The following ZNF573 variants were observed in gnomAD, a reference collection of about 807,000 sequenced individuals.
ZNF573 encodes the protein zinc finger protein 573.
In ZNF573, 41 loss-of-function variants were observed where a neutral mutation model predicts 57.4. The ratio of observed to expected loss-of-function variants is 0.71; its 90% CI spans 0.56 to 0.93. ZNF573 has a LOEUF of 0.93. ZNF573 is among the 40% of genes least tolerant of loss of function. The pLI is 0.00. For synonymous variants in ZNF573, 249 were observed against 261.0 expected (o/e 0.95, Z 0.44); for missense variants, 730 against 794.8 (o/e 0.92, Z 0.98).
At chr19:37,755,141 TG>T in intron 4 of ZNF573, 1 of 152,364 alleles carries the variant, frequency 6.6e-6, no homozygotes, top group South Asian at 2.1e-4. Context: ...GGATAATTTT[TG>T]TATTTTTAGT....
Position 37,777,213 on chromosome 19 carries a change from C to A in ZNF573, c.-23+2331G>T, listed in dbSNP as rs2045717274. 2.0e-5 allele frequency among the ~76,000 whole-genome samples: 3 copies of A among 151,976 alleles called. No homozygotes were observed. The South Asian group carries it at 6.2e-4, about 32-fold the overall frequency. ...TCAGTGATAGAGACAGGAGTCTCAC[C>A]ATGTTGGCCAGGCTGGTCTCGAACT... On this transcript the variant is annotated intron_variant, in intron 1 of 4. Coordinates refer to ENST00000536220, the MANE Select transcript of ZNF573 (RefSeq NM_001172690.2).
At chr19:37,749,742 T>C (rs764405636) in intron 4 of ZNF573, among the ~76,000 whole-genome samples, 1 of 152,150 alleles carries the variant, frequency 6.6e-6, no homozygotes, top group Non-Finnish European at 1.5e-5. Flanking sequence ...AAAAAGTAAA[T>C]GCTACAATAT....
intron 4 of ZNF573, among the ~76,000 whole-genome samples, chr19:37,761,455 C>T (rs1175521456): frequency 6.6e-6 from 1 of 152,148 alleles, no homozygotes; most frequent in African/African-American, 2.4e-5. Context: ...AAGCCCTCTT[C>T]CCCAAGGCAA....
At position 37,739,447 on chromosome 19, in the gene ZNF573, T is replaced by C. The variant is rs778058121; in HGVS notation, c.1043A>G (p.His348Arg). Reference sequence around the variant, plus strand: ...TTTTCCACCTTTATGAATTCTCTGATGTAGAAGAAAGTATGAGGCAGTGGT... The same window carrying C: ...TTTTCCACCTTTATGAATTCTCTGACGTAGAAGAAAGTATGAGGCAGTGGT... ...GYTTASYFLL[H>R]QRIHKGGKPY... Residue 348 changes from histidine (H) to arginine (R), a missense_variant, in exon 5 of 5, where the codon CAT (histidine) becomes CGT (arginine). Physicochemically the swap from His to Arg is conservative, Grantham distance 29. Coordinates refer to ENST00000536220, the MANE Select transcript of ZNF573 (RefSeq NM_001172690.2). 35 of 1,614,172 alleles carry C rather than the reference T, an allele frequency of 2.2e-5. 1 individual carries two copies. The South Asian group carries it at 3.5e-4, about 16-fold the overall frequency.
At chr19:37,748,366 T>A (rs1473348869) in intron 4 of ZNF573, among the ~76,000 whole-genome samples, 2 of 152,190 alleles carry the variant, frequency 1.3e-5, no homozygotes, top group Non-Finnish European at 2.9e-5. Context: ...ATTTTGTAAA[T>A]CTAAAATTAT....
rs1049502106 is a variant in ZNF573, at chr19:37,773,043, C to A, written c.69+618G>T. The A allele has an allele frequency of 1.2e-5, 11 of 903,206 alleles. No individual in the cohort carries two copies. The East Asian group carries it at 1.2e-3, about 97-fold the overall frequency. The allele number at this position is 903,206 out of a possible 1,614,324, so 55.9% of individuals were successfully genotyped here. ...TCTCATTCATCGCCATTTTCCATCA[C>A]TTAATACTTTTCTTGTTCCAGAATG... is the stretch of plus-strand genomic sequence containing the variant. On this transcript the variant is annotated intron_variant, in intron 2 of 4. Coordinates refer to ENST00000536220, the MANE Select transcript of ZNF573 (RefSeq NM_001172690.2).
chr19:37,764,928 G>A (rs990443408), intron 4 of ZNF573, among the ~76,000 whole-genome samples: 183 of 138,708 alleles, frequency 1.3e-3, no homozygotes, highest in African/African-American at 4.7e-3. Flanking sequence ...TTTTTGAGAC[G>A]GAGTTTCACT....
intron 4 of ZNF573, among the ~76,000 whole-genome samples, chr19:37,751,075 T>C (rs2045430734): frequency 6.7e-6 from 1 of 149,416 alleles, no homozygotes; most frequent in Non-Finnish European, 1.5e-5. Flanking sequence ...ATGGTATATA[T>C]ACTGTGTATA....
intron 4 of ZNF573, among the ~76,000 whole-genome samples, chr19:37,769,744 AAAAAAAGAAAAG>A (rs2045637269): frequency 6.6e-6 from 1 of 150,996 alleles, no homozygotes; most frequent in South Asian, 2.1e-4. Context: ...AAAAAAAAAA[AAAAAAAGAAAAG>A]AAAAAAGAAA....
intron 4 of ZNF573, among the ~76,000 whole-genome samples, chr19:37,760,287 T>C (rs1048103195): frequency 6.6e-6 from 1 of 151,436 alleles, no homozygotes; most frequent in African/African-American, 2.4e-5. Context: ...AAAGAAAATA[T>C]AAGATAATCC....
intron 4 of ZNF573, among the ~76,000 whole-genome samples, chr19:37,746,683 G>A (rs1422222865): frequency 1.3e-5 from 2 of 151,986 alleles, no homozygotes; most frequent in African/African-American, 4.8e-5. Context: ...GAGTTCAAGC[G>A]ATTATCCTGC....
chr19:37,739,140 G>T lies in ZNF573; in HGVS notation c.1350C>A (p.Thr450=), dbSNP rs1295258455. 2 of 1,613,168 alleles carry T rather than the reference G, an allele frequency of 1.2e-6. No individual in the cohort carries two copies. The highest frequency in any genetic ancestry group is 3.3e-5 in the Admixed American group (2 of 59,820). The change falls in exon 5 of 5, where the codon ACC becomes ACA. Residue 450 remains threonine, a synonymous_variant. Transcript: ENST00000536220. ...GAGTAAGATTTCTATACAAAGTAAA[G>T]GTTTTTTTACACTCCTTACATTCAA... ...KHFECKECKK[T]FTLYRNLTRH...
rs755864775 is a variant in ZNF573 at position 37,739,259 on chromosome 19, C to T, written c.1231G>A (p.Glu411Lys). The T allele has an allele frequency of 3.1e-6, 5 of 1,613,778 alleles. No homozygotes were observed. Among genetic ancestry groups the T allele is most frequent in the Admixed American group, 1.7e-5 (1 of 59,984 alleles). Residue 411 changes from glutamate (E) to lysine (K), a missense_variant, in exon 5 of 5, where the codon GAG becomes AAG. Physicochemically the swap from Glu to Lys is moderately conservative, Grantham distance 56 (BLOSUM62 1). Coordinates refer to ENST00000536220, the MANE Select transcript of ZNF573 (RefSeq NM_001172690.2). ...CATTCCTTGCATTCATAGGGTTTCTCGCCAGTATGAGTTTTCTGATGTTGA... is the reference window on the plus strand; with the variant it reads ...CATTCCTTGCATTCATAGGGTTTCTTGCCAGTATGAGTTTTCTGATGTTGA... ...LFQHQKTHTG[E>K]KPYECKECGK...
rs751681651 is a variant in ZNF573 at position 37,739,868 on chromosome 19, G to A, written c.622C>T (p.His208Tyr). 3 of 1,614,012 alleles carry A rather than the reference G, an allele frequency of 1.9e-6. No homozygotes were observed. The highest frequency in any genetic ancestry group is 3.3e-5 in the Admixed American group (2 of 60,008). Residue 208 changes from histidine to tyrosine, a missense_variant, in exon 5 of 5, where the codon CAT becomes TAT. By Grantham distance (83) the His-to-Tyr change is moderately conservative (BLOSUM62 2). Coordinates refer to ENST00000536220, the MANE Select transcript of ZNF573 (RefSeq NM_001172690.2). ...NFRSGYQLTV[H>Y]QRFHTGEKTY... is the part of the protein sequence containing the mutation. ...TTCTCACCAGTATGAAATCTCTGAT[G>A]CACAGTCAGCTGATAACCACTTCTA...
At chr19:37,758,828 G>A (rs919251602) in intron 4 of ZNF573, among the ~76,000 whole-genome samples, 8 of 151,858 alleles carry the variant, frequency 5.3e-5, no homozygotes, top group African/African-American at 1.9e-4. Context: ...GAAAAATATC[G>A]TTAAATATAG....
At chr19:37,767,855 G>C (rs187194072) in intron 4 of ZNF573, among the ~76,000 whole-genome samples, 2 of 152,062 alleles carry the variant, frequency 1.3e-5, no homozygotes, top group African/African-American at 4.8e-5. Context: ...AGAGACTTGC[G>C]AAAACTTAAA....
chr19:37,771,968 A>T (rs2145332480), intron 2 of ZNF573, among the ~76,000 whole-genome samples: 1 of 152,330 alleles, frequency 6.6e-6, no homozygotes, highest in South Asian at 2.1e-4. Context: ...TGAGGAATGG[A>T]TAAAATAAAA....
Position 37,740,141 on chromosome 19 carries a change from T to A in ZNF573, c.349A>T (p.Thr117Ser), listed in dbSNP as rs774525358. ...TGAAGTTGTGTAGAGGATATATCTG[T>A]TTCATAAGTGGGTACTTCTATGTAG... ...ISYIEVPTYE[T>S]DISSTQLQSI... The change falls in exon 5 of 5, where the codon ACA becomes TCA. Residue 117 changes from threonine (T) to serine (S), a missense_variant. Coordinates refer to ENST00000536220, the MANE Select transcript of ZNF573 (RefSeq NM_001172690.2). The A allele has an allele frequency of 2.5e-6, 4 of 1,608,334 alleles. No individual in the cohort carries two copies. The South Asian group carries it at 3.3e-5, about 13-fold the overall frequency.
chr19:37,746,609 T>A (rs2045385239), intron 4 of ZNF573, among the ~76,000 whole-genome samples: 1 of 152,118 alleles, frequency 6.6e-6, no homozygotes. Flanking sequence ...GGACGGAGTC[T>A]TGCTCTGTCG....
Sources: allele counts gnomAD v4.1 joint callset (sites outside exome capture counted in the v4.1 genomes callset), GRCh38; gene constraint gnomAD v4.1.1; transcripts MANE v1.5; gene names NCBI Gene and HGNC (gene_info 2026-07-23, HGNC 2026-07-21).